The following DGKD variants were observed in gnomAD, a reference collection of about 807,000 sequenced individuals.
DGKD encodes the protein diacylglycerol kinase delta.
In DGKD, 68 loss-of-function variants were observed where a neutral mutation model predicts 154.4. The observed-to-expected ratio is 0.44, with a 90% CI of 0.36 to 0.54. The LOEUF (loss-of-function observed/expected upper bound fraction) is 0.54. Ranked by LOEUF, DGKD falls within the 20% of genes least tolerant of loss-of-function variation. The probability of loss-of-function intolerance (pLI) is 0.00; values close to 1 mark genes in which losing one functional copy is unlikely to be tolerated. For synonymous variants in DGKD, 693 were observed against 638.0 expected (o/e 1.09, Z -1.30); for missense variants, 1,343 against 1,593.6 (o/e 0.84, Z 2.68).
At chr2:233,410,369 G>A (rs1017606264) in intron 3 of DGKD, among the ~76,000 whole-genome samples, 3 of 152,152 alleles carry the variant, frequency 2.0e-5, no homozygotes, top group South Asian at 2.1e-4. Context: ...GGTCATGGGC[G>A]CAGCTGACTT....
chr2:233,376,513 TCTC>T, intron 1 of DGKD, among the ~76,000 whole-genome samples: 1 of 152,308 alleles, frequency 6.6e-6, no homozygotes, highest in South Asian at 2.1e-4. Flanking sequence ...GATTATTTCT[TCTC>T]CTTGCCCATG....
rs748948339 is a variant in DGKD at position 233,451,067 on chromosome 2, A to G, written c.2167+17A>G. ...TGTACCCAAGTGAGTGGCGGCCAGC[A>G]GGAGGGACTGGTGGGGGCCCTAGCA... On this transcript the variant is annotated intron_variant, in intron 17 of 29. Coordinates refer to ENST00000264057, the MANE Select transcript of DGKD (RefSeq NM_152879.3). The G allele has an allele frequency of 3.1e-6, 5 of 1,592,044 alleles. No individual in the cohort carries two copies. The South Asian group carries it at 5.5e-5, about 18-fold the overall frequency.
In DGKD at chr2:233,457,545, CTGTGGTCAGCAGA is replaced by C. The variant is rs778184276; in HGVS notation, c.2580+228_2580+240del. 5.6e-5 allele frequency: 37 copies of C among 658,946 alleles called. No homozygotes were observed. Among genetic ancestry groups the C allele is most frequent in the African/African-American group, 5.5e-4 (31 of 56,314 alleles). 40.8% of individuals were successfully genotyped at this position (658,946 alleles called of 1,614,324 possible). On this transcript the variant is annotated intron_variant, in intron 21 of 29. Transcript: ENST00000264057. This position sits in a 1 kb window ranked among gnomAD's most constrained non-coding sequence, Gnocchi z 5.5. Reference sequence around the variant, plus strand: ...GTCAGTGAAGGTGGTCAGTGAGGGTCTGTGGTCAGCAGATGTGGTCAGCGGGTGTGACGTGGAA... The same window carrying C: ...GTCAGTGAAGGTGGTCAGTGAGGGTCTGTGGTCAGCGGGTGTGACGTGGAA...
chr2:233,423,814 C>G (rs528799444), intron 3 of DGKD, among the ~76,000 whole-genome samples: 2 of 152,236 alleles, frequency 1.3e-5, no homozygotes, highest in African/African-American at 4.8e-5. Context: ...CCACCCACCC[C>G]CCCAGTATCC....
At chr2:233,453,022 C>T (rs1215649278) in intron 18 of DGKD, among the ~76,000 whole-genome samples, 1 of 152,194 alleles carries the variant, frequency 6.6e-6, no homozygotes, top group Admixed American at 6.5e-5. Context: ...GTTCTCAGCC[C>T]TCCTGAGGCT....
intron 1 of DGKD, among the ~76,000 whole-genome samples, chr2:233,383,229 CAG>C (rs1300218627): frequency 3.3e-5 from 5 of 151,972 alleles, no homozygotes; most frequent in Non-Finnish European, 7.4e-5. Context: ...TTAGTAGAGA[CAG>C]GGTTTCGCTG....
rs2063947761 is a variant in DGKD, at chr2:233,469,681, T to G, written c.*221T>G. The G allele has an allele frequency of 3.6e-6, 2 of 555,626 alleles. No individual in the cohort carries two copies. The highest frequency in any genetic ancestry group is 6.4e-6 in the Non-Finnish European group (2 of 310,444). The allele number at this position is 555,626 out of a possible 1,614,324, so 34.4% of individuals were successfully genotyped here. ...TCGAACATAACAACACAGCTACCTT[T>G]GAAACAACACTTTCTCCAGCTCAGA... On this transcript the variant is annotated 3_prime_UTR_variant, in exon 30 of 30. Coordinates refer to ENST00000264057, the MANE Select transcript of DGKD (RefSeq NM_152879.3).
Position 233,440,363 on chromosome 2 carries a change from G to A in DGKD, c.1086-1524G>A, listed in dbSNP as rs1160841707. Among the ~76,000 whole-genome samples, 1 of 152,150 alleles carries A rather than the reference G, an allele frequency of 6.6e-6. No homozygotes were observed. Among genetic ancestry groups the A allele is most frequent in the African/African-American group, 2.4e-5 (1 of 41,418 alleles). On this transcript the variant is annotated intron_variant, in intron 9 of 29. Transcript: ENST00000264057. The surrounding 1 kb of genome is among the most constrained non-coding windows in gnomAD (Gnocchi z 4.9). ...GTCTGTCTTCTGAGCACTCATTCTG[G>A]GTCAGACACTGAGCTCGAGGCAGGG...
At chr2:233,405,331 C>T (rs759503787) in intron 3 of DGKD, among the ~76,000 whole-genome samples, 1 of 152,132 alleles carries the variant, frequency 6.6e-6, no homozygotes, top group Non-Finnish European at 1.5e-5. Flanking sequence ...TCAGCCTGAT[C>T]AACATGGAGA....
chr2:233,437,545 C>G, intron 8 of DGKD, 66 bp downstream of exon 8: 1 of 1,466,732 alleles, frequency 6.8e-7, no homozygotes, highest in Non-Finnish European at 9.5e-7. Flanking sequence ...CGCACTTTCT[C>G]TTCTCCAGCT....
At chr2:233,465,732 C>T (rs115910283) in intron 27 of DGKD, among the ~76,000 whole-genome samples, 1,566 of 152,162 alleles carry the variant, frequency 0.01, 32 homozygotes, top group African/African-American at 0.035. Flanking sequence ...GTATCGCTAA[C>T]AGCATGAAAA....
intron 12 of DGKD, among the ~76,000 whole-genome samples, chr2:233,447,245 C>T (rs796703430): frequency 3.3e-5 from 5 of 152,338 alleles, no homozygotes; most frequent in South Asian, 4.1e-4. Context: ...AGCTGCCCTT[C>T]GCTCAGGCTC....
At chr2:233,437,566 T>G in intron 8 of DGKD, 87 bp downstream of exon 8, 1 of 1,339,840 alleles carries the variant, frequency 7.5e-7, no homozygotes, top group Non-Finnish European at 1.1e-6. Flanking sequence ...CTGGAGTTGG[T>G]TATCTTGGTG....
rs1472046286 is a variant in DGKD, at chr2:233,459,056, AG to A, written c.2694+661del. Among the ~76,000 whole-genome samples, 2 of 152,170 alleles carry A rather than the reference AG, an allele frequency of 1.3e-5. No individual in the cohort carries two copies. Among genetic ancestry groups the A allele is most frequent in the Non-Finnish European group, 2.9e-5 (2 of 68,028 alleles). ...CCATGGCTCTGATGTGGGGTGTGGG[AG>A]GATTTCCAGCTGGGGCCCTCGATCA... On this transcript the variant is annotated intron_variant, in intron 22 of 29. Coordinates refer to ENST00000264057, the MANE Select transcript of DGKD (RefSeq NM_152879.3). This position sits in a 1 kb window ranked among gnomAD's most constrained non-coding sequence, Gnocchi z 5.7.
At chr2:233,389,992 A>T (rs1283521734) in intron 2 of DGKD, among the ~76,000 whole-genome samples, 1 of 152,226 alleles carries the variant, frequency 6.6e-6, no homozygotes, top group African/African-American at 2.4e-5. Context: ...AGCCAGGAGG[A>T]CACGGAATCC....
intron 3 of DGKD, chr2:233,408,834 CTG>C (rs1394457410): frequency 6.6e-6 from 1 of 152,276 alleles, no homozygotes; most frequent in African/African-American, 2.4e-5. Context: ...GTAATCCACA[CTG>C]TGTTCTCAGG....
intron 1 of DGKD, among the ~76,000 whole-genome samples, chr2:233,384,708 T>C (rs936697860): frequency 2.0e-5 from 3 of 151,782 alleles, no homozygotes; most frequent in Non-Finnish European, 4.4e-5. Context: ...TGTCATCAGC[T>C]CCCCCCTTAT....
rs780626639 is a variant in DGKD at position 233,467,184 on chromosome 2, C to G, written c.3405C>G (p.His1135Gln). The G allele has an allele frequency of 1.7e-5, 27 of 1,614,070 alleles. No homozygotes were observed. The East Asian group carries it at 6.0e-4, about 36-fold the overall frequency. The change falls in exon 28 of 30, where the codon CAC becomes CAG. Residue 1135 changes from histidine (H) to glutamine (Q), a missense_variant. Around this residue, in one of 6 missense-constraint regions of DGKD, gnomAD observed 429 missense variants for 496.3 expected, o/e 0.86. Transcript: ENST00000264057. ...KEKNNKNKEA[H>Q]SSLGAPVHLW... is the part of the protein sequence containing the mutation. ...AAAACAACAAGAACAAAGAAGCTCACAGTAGCCTGGGAGCCCCGGGTACCT... is the reference window on the plus strand; with the variant it reads ...AAAACAACAAGAACAAAGAAGCTCAGAGTAGCCTGGGAGCCCCGGGTACCT...
chr2:233,462,429 C>A lies in DGKD; in HGVS notation c.3063C>A (p.Asp1021Glu), dbSNP rs1459501683. 1 of 1,602,476 alleles carries A rather than the reference C, an allele frequency of 6.2e-7. No homozygotes were observed. The highest frequency in any genetic ancestry group is 1.1e-5 in the South Asian group (1 of 90,854). The change falls in exon 25 of 30, where the codon GAC becomes GAA. Residue 1021 changes from aspartate to glutamate, a missense_variant. By Grantham distance (45) the Asp-to-Glu change is conservative. This residue lies in a region of DGKD where 429 missense variants were observed against 496.3 expected (regional missense o/e 0.86). Coordinates refer to ENST00000264057, the MANE Select transcript of DGKD (RefSeq NM_152879.3). Reference sequence around the variant, plus strand: ...TCAATGCCAGCTCCAAGTCCATGGACCGTGTGTATGGCAAGCCCAGAACCA... The same window carrying A: ...TCAATGCCAGCTCCAAGTCCATGGAACGTGTGTATGGCAAGCCCAGAACCA... ...HAVNASSKSM[D>E]RVYGKPRTTE...
Sources: allele counts gnomAD v4.1 joint callset (sites outside exome capture counted in the v4.1 genomes callset), GRCh38; gene constraint gnomAD v4.1.1; regional missense constraint gnomAD v4.1.1; non-coding constraint Gnocchi (gnomAD v3.1); transcripts MANE v1.5; gene names NCBI Gene and HGNC (gene_info 2026-07-23, HGNC 2026-07-21).